The following FAT4 variants were observed in gnomAD, a reference collection of about 807,000 sequenced individuals.
FAT4 encodes the protein protocadherin Fat 4.
In FAT4, 84 loss-of-function variants were observed where a neutral mutation model predicts 303.9. That is an observed-to-expected ratio of 0.28 (90% CI 0.23 to 0.33). The LOEUF (loss-of-function observed/expected upper bound fraction) is 0.33, where lower values mean the gene tolerates loss of function less well. Ranked by LOEUF, FAT4 falls within the 10% of genes least tolerant of loss-of-function variation. The probability of loss-of-function intolerance (pLI) is 1.00; values close to 1 mark genes in which losing one functional copy is unlikely to be tolerated. For synonymous variants in FAT4, 2,307 were observed against 2,298.8 expected, an observed-to-expected ratio of 1.00 and a Z score of -0.10; for missense variants, 6,005 against 6,146.8, an observed-to-expected ratio of 0.98 and a Z score of 0.77.
Position 125,321,099 on chromosome 4 carries a change from T to C in FAT4, c.4688T>C (p.Ile1563Thr), listed in dbSNP as rs774970633. The C allele has an allele frequency of 1.9e-5, 31 of 1,613,880 alleles. No homozygotes were observed. The South Asian group carries it at 3.0e-4, about 15-fold the overall frequency. The change falls in exon 2 of 18, where the codon ATA (isoleucine) becomes ACA (threonine). Residue 1563 changes from isoleucine (I) to threonine (T), a missense_variant. Physicochemically the swap from Ile to Thr is moderately conservative, Grantham distance 89. Transcript: ENST00000394329. ...ADPDEGANGEIEYEIINGDTD... is the reference protein window; with the variant it reads ...ADPDEGANGETEYEIINGDTD... ...CCAGATGAAGGTGCTAATGGAGAAA[T>C]AGAGTATGAGATCATCAATGGGGAC...
intron 2 of FAT4, among the ~76,000 whole-genome samples, chr4:125,356,200 G>A (rs1306671159): frequency 1.3e-5 from 2 of 151,920 alleles, no homozygotes; most frequent in East Asian, 3.9e-4. Context: ...GCATTCCTCT[G>A]CTTGAGAAGA....
At chr4:125,406,795 T>G in intron 3 of FAT4, 85 bp from the exon 4 acceptor site, 1 of 1,470,638 alleles carries the variant, frequency 6.8e-7, no homozygotes, top group Non-Finnish European at 9.2e-7. Context: ...AAAGCCTTCC[T>G]TTGTCAAATA....
At position 125,320,954 on chromosome 4, in the gene FAT4, G is replaced by T; in HGVS notation, c.4543G>T (p.Val1515Leu). 6.2e-7 allele frequency: 1 copy of T among 1,614,204 alleles called. No individual in the cohort carries two copies. Among genetic ancestry groups the T allele is most frequent in the Non-Finnish European group, 8.5e-7 (1 of 1,180,026 alleles). The change falls in exon 2 of 18, where the codon GTG becomes TTG. Residue 1515 changes from valine to leucine, a missense_variant. Val to Leu is a conservative substitution (Grantham distance 32). Coordinates refer to ENST00000394329, the MANE Select transcript of FAT4 (RefSeq NM_001291303.3). ...IETRRYALKN[V>L]TILVTDLNDN... ...AACTAGACGGTATGCTTTGAAGAAC[G>T]TGACCATTTTGGTTACAGACCTCAA... is the stretch of plus-strand genomic sequence containing the variant.
intron 12 of FAT4, among the ~76,000 whole-genome samples, chr4:125,473,967 T>C (rs1406859790): frequency 6.6e-6 from 1 of 152,080 alleles, no homozygotes; most frequent in Non-Finnish European, 1.5e-5. Flanking sequence ...AAAATAATTT[T>C]GGTTGGAAAC....
intron 17 of FAT4, among the ~76,000 whole-genome samples, chr4:125,489,489 A>G (rs2126095439): frequency 6.6e-6 from 1 of 152,340 alleles, no homozygotes; most frequent in South Asian, 2.1e-4. Flanking sequence ...TAGTAGTTGA[A>G]GCCATTGGCC....
At chr4:125,395,681 TA>T (rs1734143616) in intron 2 of FAT4, among the ~76,000 whole-genome samples, 1 of 152,104 alleles carries the variant, frequency 6.6e-6, no homozygotes, top group Non-Finnish European at 1.5e-5. Context: ...CCTGATTTAT[TA>T]AATAAATGAC....
At chr4:125,324,542 A>G (rs1731079776) in intron 2 of FAT4, among the ~76,000 whole-genome samples, 1 of 152,190 alleles carries the variant, frequency 6.6e-6, no homozygotes, top group South Asian at 2.1e-4. Flanking sequence ...CATTAATTGA[A>G]CTCAGGTCAG....
At chr4:125,322,722 TTTA>T (rs914943901) in intron 2 of FAT4, among the ~76,000 whole-genome samples, 4 of 151,538 alleles carry the variant, frequency 2.6e-5, no homozygotes, top group African/African-American at 4.8e-5. Flanking sequence ...TAAATGATAA[TTTA>T]TTATTATTAT....
At chr4:125,392,631 T>G (rs1424609093) in intron 2 of FAT4, among the ~76,000 whole-genome samples, 1 of 152,208 alleles carries the variant, frequency 6.6e-6, no homozygotes, top group Non-Finnish European at 1.5e-5. Context: ...GCTGAATGTC[T>G]GTTTTCCAGT....
chr4:125,492,293 C>G lies in FAT4; in HGVS notation c.*525C>G, dbSNP rs6534484. Reference sequence around the variant, plus strand: ...TATTTGATGTTGCTCAGAAATGTCTCAGTATTTGAGTAAGTTTTACATGAC... The same window carrying G: ...TATTTGATGTTGCTCAGAAATGTCTGAGTATTTGAGTAAGTTTTACATGAC... On this transcript the variant is annotated 3_prime_UTR_variant, in exon 18 of 18. Coordinates refer to ENST00000394329, the MANE Select transcript of FAT4 (RefSeq NM_001291303.3). 0.99 allele frequency: 151,778 copies of G among 153,124 alleles called. 75,236 individuals are homozygous for G. Among genetic ancestry groups the G allele is most frequent in the Middle Eastern group, 1 (294 of 294 alleles). 9.5% of individuals were successfully genotyped at this position (153,124 alleles called of 1,614,324 possible). A position where few individuals can be genotyped will look rare whatever the true frequency, so the allele number is the denominator to read the frequency against.
intron 2 of FAT4, among the ~76,000 whole-genome samples, chr4:125,372,815 T>G (rs1428717531): frequency 3.3e-5 from 5 of 152,194 alleles, no homozygotes; most frequent in Admixed American, 3.3e-4. Flanking sequence ...TTCATCATTG[T>G]AGACATGGAA....
intron 7 of FAT4, among the ~76,000 whole-genome samples, chr4:125,427,208 T>G (rs181050447): frequency 6.6e-6 from 1 of 151,906 alleles, no homozygotes; most frequent in East Asian, 1.9e-4. Context: ...AAAATTATGA[T>G]AAGATGTACT....
At chr4:125,480,055 C>A (rs546954505) in intron 15 of FAT4, among the ~76,000 whole-genome samples, 190 bp downstream of exon 15, 6 of 152,090 alleles carry the variant, frequency 3.9e-5, no homozygotes, top group African/African-American at 1.4e-4. Flanking sequence ...AGAATGATAT[C>A]CTTTTAAAAA....
chr4:125,357,400 A>G (rs1209856710), intron 2 of FAT4, among the ~76,000 whole-genome samples: 1 of 152,150 alleles, frequency 6.6e-6, no homozygotes, highest in Non-Finnish European at 1.5e-5. Context: ...CCTAAAGATA[A>G]GATTTGGGAT....
intron 8 of FAT4, among the ~76,000 whole-genome samples, chr4:125,440,974 T>C (rs1725642959): frequency 6.6e-6 from 1 of 152,176 alleles, no homozygotes; most frequent in Admixed American, 6.5e-5. Context: ...GCACCCATTC[T>C]TTTCAGTGCA....
chr4:125,346,457 C>T (rs1166998181), intron 2 of FAT4, among the ~76,000 whole-genome samples: 6 of 151,712 alleles, frequency 4.0e-5, no homozygotes, highest in Non-Finnish European at 7.4e-5. Flanking sequence ...TCATTTTCTT[C>T]CACATGATTA....
chr4:125,353,101 C>T (rs1182396593), intron 2 of FAT4, among the ~76,000 whole-genome samples: 1 of 151,634 alleles, frequency 6.6e-6, no homozygotes, highest in East Asian at 1.9e-4. Flanking sequence ...CCAAAGGAAA[C>T]ATTGTTAATA....
In FAT4 at chr4:125,451,085, G is replaced by A; in HGVS notation, c.10075G>A (p.Val3359Ile). The A allele has an allele frequency of 6.2e-7, 1 of 1,614,084 alleles. No individual in the cohort carries two copies. Among genetic ancestry groups the A allele is most frequent in the Non-Finnish European group, 8.5e-7 (1 of 1,180,010 alleles). ...CAATAAGAAGACTGGACAGATTTAT[G>A]TTTCTGGAATTCTTGATCGAGAAAA... ...QINKKTGQIY[V>I]SGILDREKEE... Residue 3359 changes from valine (V) to isoleucine (I), a missense_variant, in exon 10 of 18, where the codon GTT (valine) becomes ATT (isoleucine). Physicochemically the swap from Val to Ile is conservative, Grantham distance 29. Transcript: ENST00000394329.
chr4:125,407,202 CTA>C, intron 4 of FAT4, 61 bp downstream of exon 4: 1 of 1,465,658 alleles, frequency 6.8e-7, no homozygotes, highest in Non-Finnish European at 9.3e-7. Context: ...AAATTACATA[CTA>C]TGTTTCGGCT....
Sources: allele counts gnomAD v4.1 joint callset (sites outside exome capture counted in the v4.1 genomes callset), GRCh38; gene constraint gnomAD v4.1.1; transcripts MANE v1.5; gene names NCBI Gene and HGNC (gene_info 2026-07-23, HGNC 2026-07-21).